Variants in SLC35D4 observed in about 807,000 individuals in gnomAD.
SLC35D4 encodes the protein UDP-N-acetylglucosamine transporter SLC35D4.
the SLC35D4 span, among the ~76,000 whole-genome samples, chr18:23,345,644 C>A: frequency 6.6e-6 from 1 of 151,550 alleles, no homozygotes. Context: ...TTTAAGTCCC[C>A]CAACTTTATC....
the SLC35D4 span, among the ~76,000 whole-genome samples, chr18:23,326,685 C>T: frequency 3.2e-4 from 48 of 152,174 alleles, 1 homozygote; most frequent in Non-Finnish European, 5.7e-4. Context: ...TTGAACTCAG[C>T]TCTGCCACAA....
chr18:23,355,047 T>G, the SLC35D4 span, among the ~76,000 whole-genome samples: 1 of 152,086 alleles, frequency 6.6e-6, no homozygotes, highest in African/African-American at 2.4e-5. Context: ...CCCCAGAACC[T>G]CCTGAAGGTG....
chr18:23,422,043 T>C, the SLC35D4 span, among the ~76,000 whole-genome samples: 1 of 152,212 alleles, frequency 6.6e-6, no homozygotes, highest in South Asian at 2.1e-4. Context: ...TCCCACTGCC[T>C]CTACATTGAT....
chr18:23,304,226 G>A, the SLC35D4 span, among the ~76,000 whole-genome samples: 10 of 147,092 alleles, frequency 6.8e-5, no homozygotes, highest in South Asian at 8.6e-4. Context: ...GCAGTGAGCC[G>A]AGATTGCGCC....
the SLC35D4 span, among the ~76,000 whole-genome samples, chr18:23,377,962 A>T: frequency 6.6e-6 from 1 of 152,100 alleles, no homozygotes; most frequent in East Asian, 1.9e-4. Flanking sequence ...CTTACATGCT[A>T]AGAAGAGGAG....
the SLC35D4 span, among the ~76,000 whole-genome samples, chr18:23,270,641 C>G: frequency 0.013 from 2,011 of 152,310 alleles, 19 homozygotes; most frequent in Middle Eastern, 0.027. Flanking sequence ...CGGAGCTGCT[C>G]AAGACTGTGG....
chr18:23,434,802 A>C, the SLC35D4 span, among the ~76,000 whole-genome samples: 4 of 151,814 alleles, frequency 2.6e-5, no homozygotes, highest in Non-Finnish European at 5.9e-5. Flanking sequence ...AAAAACAAAC[A>C]AACAAAAATT....
At chr18:23,307,103 G>C in the SLC35D4 span, among the ~76,000 whole-genome samples, 1 of 152,220 alleles carries the variant, frequency 6.6e-6, no homozygotes, top group Non-Finnish European at 1.5e-5. Context: ...GGTTACACAT[G>C]CCTGGCCAAA....
At chr18:23,340,412 A>C in the SLC35D4 span, among the ~76,000 whole-genome samples, 1 of 151,992 alleles carries the variant, frequency 6.6e-6, no homozygotes, top group Non-Finnish European at 1.5e-5. Flanking sequence ...ATTATGACAT[A>C]GTTTTAGGGA....
At chr18:23,243,282 A>G in the SLC35D4 span, among the ~76,000 whole-genome samples, 2 of 151,922 alleles carry the variant, frequency 1.3e-5, no homozygotes, top group South Asian at 2.1e-4. Context: ...TTAGAAGCAC[A>G]GTAGCTCCGC....
the SLC35D4 span, among the ~76,000 whole-genome samples, chr18:23,318,712 A>G: frequency 6.6e-6 from 1 of 152,228 alleles, no homozygotes; most frequent in South Asian, 2.1e-4. Context: ...ATATCATGCT[A>G]TGTGATATAA....
chr18:23,354,186 G>C, the SLC35D4 span, among the ~76,000 whole-genome samples: 1 of 152,104 alleles, frequency 6.6e-6, no homozygotes, highest in Non-Finnish European at 1.5e-5. Context: ...TCATGGAAAT[G>C]TGTTCTTGAC....
the SLC35D4 span, among the ~76,000 whole-genome samples, chr18:23,265,086 A>G: frequency 6.6e-6 from 1 of 152,184 alleles, no homozygotes; most frequent in Non-Finnish European, 1.5e-5. Context: ...ACTTTTCAAC[A>G]TGAAATTTGG....
the SLC35D4 span, among the ~76,000 whole-genome samples, chr18:23,407,830 T>C: frequency 6.6e-6 from 1 of 152,210 alleles, no homozygotes; most frequent in African/African-American, 2.4e-5. Context: ...GCTGCATTTA[T>C]CAAAAGCCTC....
the SLC35D4 span, among the ~76,000 whole-genome samples, chr18:23,247,744 A>G: frequency 6.6e-6 from 1 of 152,222 alleles, no homozygotes; most frequent in Non-Finnish European, 1.5e-5. Flanking sequence ...TCAGAGAAGC[A>G]GGGACAAAAG....
chr18:23,318,962 G>A, the SLC35D4 span, among the ~76,000 whole-genome samples: 3 of 151,658 alleles, frequency 2.0e-5, no homozygotes, highest in Admixed American at 6.6e-5. Flanking sequence ...TCCTGCCTCA[G>A]CCTCCTAAGT....
chr18:23,331,747 C>G, the SLC35D4 span, among the ~76,000 whole-genome samples: 5 of 152,076 alleles, frequency 3.3e-5, no homozygotes, highest in African/African-American at 1.2e-4. Flanking sequence ...TCACTCATCC[C>G]GAATCCCCTC....
chr18:23,286,986 C>T, the SLC35D4 span, among the ~76,000 whole-genome samples: 6 of 150,880 alleles, frequency 4.0e-5, no homozygotes, highest in African/African-American at 1.5e-4. Flanking sequence ...GGCGACTGAT[C>T]ATGCACCCCT....
the SLC35D4 span, chr18:23,373,720 C>G: frequency 1.2e-6 from 2 of 1,613,582 alleles, no homozygotes; most frequent in African/African-American, 2.7e-5. Flanking sequence ...ACCTGGGAGT[C>G]ATTGAAGGGA....
Sources: gnomAD v4.1 joint callset for allele counts (sites outside exome capture counted in the v4.1 genomes callset) on GRCh38, gnomAD v4.1.1 for gene constraint, MANE v1.5 for transcripts, NCBI Gene and HGNC (gene_info 2026-07-23, HGNC 2026-07-21) for gene names.